The following ZSWIM6 variants were observed in gnomAD, a reference collection of about 807,000 sequenced individuals.
The protein encoded by ZSWIM6 is zinc finger SWIM-type containing 6, also known as zinc finger SWIM domain-containing protein 6.
In ZSWIM6, 9 loss-of-function variants were observed where a neutral mutation model predicts 113.2. That is an observed-to-expected ratio of 0.08 (90% CI 0.05 to 0.14). The LOEUF (loss-of-function observed/expected upper bound fraction) is 0.14. ZSWIM6 is among the 10% of genes least tolerant of loss of function. The probability of loss-of-function intolerance (pLI) is 1.00; values close to 1 mark genes in which losing one functional copy is unlikely to be tolerated. For missense variants in ZSWIM6, 1,162 were observed against 1,552.2 expected (o/e 0.75, Z 4.22); for synonymous variants, 611 against 606.5 (o/e 1.01, Z -0.11).
At chr5:61,368,979 A>G (rs1745213054) in intron 1 of ZSWIM6, among the ~76,000 whole-genome samples, 2 of 152,256 alleles carry the variant, frequency 1.3e-5, no homozygotes, top group South Asian at 4.1e-4. Flanking sequence ...GAAGTGGCAT[A>G]TAATGTGTGA....
intron 1 of ZSWIM6, among the ~76,000 whole-genome samples, chr5:61,392,230 T>C (rs1745732871): frequency 6.6e-6 from 1 of 152,208 alleles, no homozygotes; most frequent in South Asian, 2.1e-4. Context: ...CTAGTAGTAT[T>C]GGAGAAAGAC....
At chr5:61,385,928 A>G (rs1051525831) in intron 1 of ZSWIM6, among the ~76,000 whole-genome samples, 2 of 152,176 alleles carry the variant, frequency 1.3e-5, no homozygotes, top group African/African-American at 4.8e-5. Flanking sequence ...GCACAGGCTC[A>G]GGGGGAGAAC....
At position 61,445,062 on chromosome 5, in the gene ZSWIM6, T is replaced by A. The variant is rs536826326; in HGVS notation, c.677-27619T>A. ...CTGTGATTTGGTGTCTAGTAGTTGC[T>A]GCCTGCAGCATTTCAAACCACTGTA... On this transcript the variant is annotated intron_variant, in intron 1 of 13. Coordinates refer to ENST00000252744, the MANE Select transcript of ZSWIM6 (RefSeq NM_020928.2). Among the ~76,000 whole-genome samples, 3 of 152,366 alleles carry A rather than the reference T, an allele frequency of 2.0e-5. No homozygotes were observed. The South Asian group carries it at 6.2e-4, about 32-fold the overall frequency.
At chr5:61,447,442 G>A (rs1453579686) in intron 1 of ZSWIM6, among the ~76,000 whole-genome samples, 1 of 152,124 alleles carries the variant, frequency 6.6e-6, no homozygotes, top group Non-Finnish European at 1.5e-5. Flanking sequence ...TGTTCAACCT[G>A]CAAACAGAAA....
At chr5:61,375,658 A>T in intron 1 of ZSWIM6, 1 of 1,544,618 alleles carries the variant, frequency 6.5e-7, no homozygotes, top group Non-Finnish European at 8.8e-7. Context: ...AAAGAGAAAG[A>T]TGTATTCTGA....
At chr5:61,371,882 G>A (rs1156935211) in intron 1 of ZSWIM6, among the ~76,000 whole-genome samples, 1 of 152,092 alleles carries the variant, frequency 6.6e-6, no homozygotes, top group Non-Finnish European at 1.5e-5. Flanking sequence ...TTTTGATAAA[G>A]TATATTTTAG....
chr5:61,523,758 A>G (rs1417035742), intron 5 of ZSWIM6, among the ~76,000 whole-genome samples: 1 of 152,176 alleles, frequency 6.6e-6, no homozygotes, highest in Non-Finnish European at 1.5e-5. Flanking sequence ...TGTTTCCCAT[A>G]TTATTACAGG....
intron 5 of ZSWIM6, among the ~76,000 whole-genome samples, chr5:61,521,814 A>G (rs1461966587): frequency 6.6e-6 from 1 of 152,120 alleles, no homozygotes; most frequent in Non-Finnish European, 1.5e-5. Flanking sequence ...TTGAGGAGCT[A>G]TATGTTTTTA....
chr5:61,457,862 CTG>C (rs1747237443), intron 1 of ZSWIM6, among the ~76,000 whole-genome samples: 1 of 152,050 alleles, frequency 6.6e-6, no homozygotes, highest in South Asian at 2.1e-4. Flanking sequence ...TACTGAAGTA[CTG>C]TGTTTTTGTC....
chr5:61,516,941 A>G (rs987319349), intron 4 of ZSWIM6, among the ~76,000 whole-genome samples: 1 of 152,056 alleles, frequency 6.6e-6, no homozygotes, highest in Admixed American at 6.6e-5. Flanking sequence ...TCTCATTGAC[A>G]TTTCAGTTTC....
intron 1 of ZSWIM6, among the ~76,000 whole-genome samples, chr5:61,459,301 T>C (rs1311871862): frequency 6.6e-6 from 1 of 152,220 alleles, no homozygotes; most frequent in Non-Finnish European, 1.5e-5. Context: ...TCTGACTTTT[T>C]TCTATAGTGT....
chr5:61,334,216 C>A (rs962427045), intron 1 of ZSWIM6, among the ~76,000 whole-genome samples: 1 of 152,152 alleles, frequency 6.6e-6, no homozygotes, highest in East Asian at 1.9e-4. Context: ...TCTCCTGTTC[C>A]CCCTCCCCTA....
chr5:61,479,305 C>G (rs1471436118), intron 2 of ZSWIM6, among the ~76,000 whole-genome samples: 1 of 151,626 alleles, frequency 6.6e-6, no homozygotes, highest in Non-Finnish European at 1.5e-5. Flanking sequence ...AAGAAGTAGT[C>G]TTTGAACTTA....
In ZSWIM6 at chr5:61,332,608, G is replaced by T. The variant is rs2112012674; in HGVS notation, c.336G>T (p.Trp112Cys). 1 of 1,283,606 alleles carries T rather than the reference G, an allele frequency of 7.8e-7. No individual in the cohort carries two copies. The allele number at this position is 1,283,606 out of a possible 1,614,324, so 79.5% of individuals were successfully genotyped here. ...PEPVQRRIVY[W>C]SFPRSEREIC... ...CGGTGCAGCGCCGCATAGTCTATTG[G>T]TCCTTCCCCCGCAGCGAGCGGGAGA... The change falls in exon 1 of 14, where the codon TGG becomes TGT. Residue 112 changes from tryptophan (W) to cysteine (C), a missense_variant. Trp to Cys is a radical substitution (Grantham distance 215). This residue lies in a region of ZSWIM6 where 333 missense variants were observed against 293.4 expected (regional missense o/e 1.13). Transcript: ENST00000252744.
intron 1 of ZSWIM6, among the ~76,000 whole-genome samples, chr5:61,384,996 G>A (rs1561216951): frequency 6.6e-6 from 1 of 152,140 alleles, no homozygotes; most frequent in Non-Finnish European, 1.5e-5. Flanking sequence ...GGAGGCGGAG[G>A]TTGCAGTGAG....
chr5:61,522,491 A>G (rs1377414647), intron 5 of ZSWIM6, among the ~76,000 whole-genome samples: 3 of 152,214 alleles, frequency 2.0e-5, no homozygotes, highest in Non-Finnish European at 4.4e-5. Flanking sequence ...ATGTGATGTT[A>G]GTATAGTGTT....
At chr5:61,405,998 T>G (rs986872286) in intron 1 of ZSWIM6, among the ~76,000 whole-genome samples, 1 of 152,220 alleles carries the variant, frequency 6.6e-6, no homozygotes, top group Admixed American at 6.5e-5. Flanking sequence ...GTGAAATAAA[T>G]GATAACCTTG....
intron 2 of ZSWIM6, among the ~76,000 whole-genome samples, chr5:61,479,168 C>T (rs1384507737): frequency 6.8e-6 from 1 of 147,436 alleles, no homozygotes; most frequent in Non-Finnish European, 1.5e-5. Flanking sequence ...AGGACTCTGT[C>T]TCAAAAAAAA....
intron 3 of ZSWIM6, among the ~76,000 whole-genome samples, chr5:61,493,018 G>A (rs1236642228): frequency 6.6e-6 from 1 of 152,126 alleles, no homozygotes; most frequent in African/African-American, 2.4e-5. Context: ...CATTTTTGAA[G>A]TGGATGGATT....
Sources: allele counts gnomAD v4.1 joint callset (sites outside exome capture counted in the v4.1 genomes callset), GRCh38; gene constraint gnomAD v4.1.1; regional missense constraint gnomAD v4.1.1; transcripts MANE v1.5; gene names NCBI Gene and HGNC (gene_info 2026-07-23, HGNC 2026-07-21).